Variants in ELOB observed in about 807,000 individuals in gnomAD.
The protein encoded by ELOB is elongin-B.
Under a neutral mutation model 12.9 loss-of-function variants are expected in ELOB, and 3 were observed. That is an observed-to-expected ratio of 0.23 (90% CI 0.11 to 0.60). ELOB has a LOEUF of 0.60. Ranked by LOEUF, ELOB falls within the 20% of genes least tolerant of loss-of-function variation. The pLI is 0.89. For synonymous variants in ELOB, 84 were observed against 67.4 expected (o/e 1.25, Z -1.21); for missense variants, 126 against 159.2 (o/e 0.79, Z 1.12).
chr16:2,772,161 C>T, intron 3 of ELOB, 59 bp from the exon 4 acceptor site: 1 of 1,501,558 alleles, frequency 6.7e-7, no homozygotes, highest in African/African-American at 1.4e-5. Context: ...CAGCTGGGGC[C>T]TTGGTGTTCA....
chr16:2,771,747 C>G lies in ELOB; in HGVS notation c.*243G>C. 4 of 1,516,754 alleles carry G rather than the reference C, an allele frequency of 2.6e-6. No homozygotes were observed. The highest frequency in any genetic ancestry group is 3.5e-6 in the Non-Finnish European group (4 of 1,136,606). The allele number at this position is 1,516,754 out of a possible 1,614,324, so 94.0% of individuals were successfully genotyped here. ...GTTGGTGTGGCTGGCTAGCTGCTAACAATGGCTTGGGTCTCAGGGCAACCC... is the reference window on the plus strand; with the variant it reads ...GTTGGTGTGGCTGGCTAGCTGCTAAGAATGGCTTGGGTCTCAGGGCAACCC... On this transcript the variant is annotated 3_prime_UTR_variant, in exon 4 of 4. Transcript: ENST00000409906.
At position 2,777,131 on chromosome 16, in the gene ELOB, G is replaced by A; in HGVS notation, c.4-4C>T. 1.3e-6 allele frequency: 2 copies of A among 1,525,364 alleles called. No homozygotes were observed. Among genetic ancestry groups the A allele is most frequent in the Non-Finnish European group, 1.8e-6 (2 of 1,133,442 alleles). 94.5% of individuals were successfully genotyped at this position (1,525,364 alleles called of 1,614,324 possible). A position where few individuals can be genotyped will look rare whatever the true frequency, so the allele number is the denominator to read the frequency against. On this transcript the variant is annotated splice_region_variant and splice_polypyrimidine_tract_variant and intron_variant, in intron 1 of 3. Coordinates refer to ENST00000409906, the MANE Select transcript of ELOB (RefSeq NM_007108.4). ...GCCGGATCATGAGGAACACGTCCTG[G>A]GGGCGGCGGGCCGGCGTGAGCACGA...
intron 2 of ELOB, 29 bp downstream of exon 2, chr16:2,776,964 G>T: frequency 2.0e-6 from 3 of 1,537,836 alleles, no homozygotes; most frequent in Non-Finnish European, 2.6e-6. Flanking sequence ...CCGGGTACCC[G>T]CTCCCCTCGG....
chr16:2,773,628 T>C (rs1446979646), intron 3 of ELOB, among the ~76,000 whole-genome samples: 1 of 152,188 alleles, frequency 6.6e-6, no homozygotes, highest in East Asian at 1.9e-4. Flanking sequence ...AGCAAAGAGC[T>C]GACAGCCCAT....
At chr16:2,772,802 G>A (rs900370544) in intron 3 of ELOB, among the ~76,000 whole-genome samples, 4 of 151,866 alleles carry the variant, frequency 2.6e-5, no homozygotes, top group African/African-American at 9.7e-5. Context: ...CCAAGTCCTT[G>A]CCGTCTGTCT....
At chr16:2,775,593 A>C (rs3094774) in intron 2 of ELOB, 37 bp from the exon 3 acceptor site, 1 of 1,573,636 alleles carries the variant, frequency 6.4e-7, no homozygotes, top group Non-Finnish European at 8.6e-7. Context: ...GAGGCCCTAC[A>C]TGGGGCAAGT....
At chr16:2,775,678 AC>A in intron 2 of ELOB, 122 bp from the exon 3 acceptor site, 1 of 644,812 alleles carries the variant, frequency 1.6e-6, no homozygotes, top group Non-Finnish European at 2.6e-6. Flanking sequence ...GTGGCCCAGG[AC>A]CACCACGCTG....
At chr16:2,775,711 A>G (rs890919215) in intron 2 of ELOB, 155 bp from the exon 3 acceptor site, 2 of 549,600 alleles carry the variant, frequency 3.6e-6, no homozygotes, top group Non-Finnish European at 6.4e-6. Flanking sequence ...CACAGATTCC[A>G]GGGTTATATC....
At chr16:2,774,121 T>G (rs2068785381) in intron 3 of ELOB, among the ~76,000 whole-genome samples, 1 of 152,184 alleles carries the variant, frequency 6.6e-6, no homozygotes, top group South Asian at 2.1e-4. Context: ...TCCCAGCTCC[T>G]CAGGCCACTG....
rs138732435 is a variant in ELOB at position 2,775,535 on chromosome 16, C to T, written c.160G>A (p.Gly54Ser). ...AAGCCACACTCGCCCAGTGTCTTGC[C>T]ATCATCCAAGAGTTGGTCATCCTGA... The part of the protein sequence containing the change: ...LYKDDQLLDD[G>S]KTLGECGFTS... The change falls in exon 3 of 4, where the codon GGC becomes AGC. Residue 54 changes from glycine (G) to serine (S), a missense_variant. Gly to Ser is a moderately conservative substitution (Grantham distance 56). Transcript: ENST00000409906. 14 of 1,609,160 alleles carry T rather than the reference C, an allele frequency of 8.7e-6. No individual in the cohort carries two copies. In the African/African-American group the frequency reaches 1.9e-4, roughly 21 times the overall value.
At chr16:2,773,525 C>A (rs940499887) in intron 3 of ELOB, among the ~76,000 whole-genome samples, 2 of 152,012 alleles carry the variant, frequency 1.3e-5, no homozygotes, top group African/African-American at 4.8e-5. Context: ...AGGGGAGAGG[C>A]GGAGGGTGGG....
Position 2,771,555 on chromosome 16 carries a change from T to C in ELOB, c.*435A>G. ...CATGCTGTCAAACCAGGACACTGGCTCCAGCTTGTGTTTCTGCTCTTGGCC... is the reference window on the plus strand; with the variant it reads ...CATGCTGTCAAACCAGGACACTGGCCCCAGCTTGTGTTTCTGCTCTTGGCC... On this transcript the variant is annotated 3_prime_UTR_variant, in exon 4 of 4. Coordinates refer to ENST00000409906, the MANE Select transcript of ELOB (RefSeq NM_007108.4). 1.2e-6 allele frequency: 2 copies of C among 1,614,148 alleles called. No individual in the cohort carries two copies. The highest frequency in any genetic ancestry group is 1.7e-6 in the Non-Finnish European group (2 of 1,180,022).
At position 2,772,056 on chromosome 16, in the gene ELOB, T is replaced by C. The variant is rs2068760782; in HGVS notation, c.291A>G (p.Pro97=). ...ALCIEPFSSP[P]ELPDVMKPQD... Reference sequence around the variant, plus strand: ...GGGGCTTCATCACATCGGGCAGCTCTGGCGGGCTGGAAAACGGCTCGATGC... The same window carrying C: ...GGGGCTTCATCACATCGGGCAGCTCCGGCGGGCTGGAAAACGGCTCGATGC... Residue 97 remains proline (P), a synonymous_variant, in exon 4 of 4, where the codon CCA becomes CCG. Coordinates refer to ENST00000409906, the MANE Select transcript of ELOB (RefSeq NM_007108.4). 2 of 1,612,036 alleles carry C rather than the reference T, an allele frequency of 1.2e-6. No homozygotes were observed. Among genetic ancestry groups the C allele is most frequent in the Admixed American group, 1.7e-5 (1 of 59,798 alleles).
At chr16:2,775,399 G>A (rs1321849841) in intron 3 of ELOB, 52 bp downstream of exon 3, 2 of 1,392,582 alleles carry the variant, frequency 1.4e-6, no homozygotes, top group Admixed American at 4.1e-5. Flanking sequence ...TTGGAACAGT[G>A]TTCCCAACCT....
At chr16:2,776,200 A>G (rs1039629032) in intron 2 of ELOB, among the ~76,000 whole-genome samples, 7 of 152,210 alleles carry the variant, frequency 4.6e-5, no homozygotes, top group Non-Finnish European at 7.3e-5. Flanking sequence ...CGGGACATGC[A>G]CAGGCACGGT....
intron 3 of ELOB, among the ~76,000 whole-genome samples, chr16:2,774,531 T>C (rs1405874508): frequency 1.3e-5 from 2 of 152,240 alleles, no homozygotes; most frequent in African/African-American, 4.8e-5. Flanking sequence ...AGGCCTAGCC[T>C]GAACTTATGG....
At position 2,777,077 on chromosome 16, in the gene ELOB, G is replaced by C; in HGVS notation, c.54C>G (p.Ala18=). The C allele has an allele frequency of 6.2e-7, 1 of 1,601,844 alleles. No individual in the cohort carries two copies. Among genetic ancestry groups the C allele is most frequent in the Non-Finnish European group, 8.5e-7 (1 of 1,175,858 alleles). ...GTTCGAACACCGTGCTGGACTCCTTGGCGTCCGTGAAGATGGTGGTCTTGT... is the reference window on the plus strand; with the variant it reads ...GTTCGAACACCGTGCTGGACTCCTTCGCGTCCGTGAAGATGGTGGTCTTGT... The part of the protein sequence containing the change: ...RRHKTTIFTD[A]KESSTVFELK... The change falls in exon 2 of 4, where the codon GCC becomes GCG. Residue 18 remains alanine, a synonymous_variant. Transcript: ENST00000409906.
chr16:2,772,165 G>C (rs997087808), intron 3 of ELOB, 63 bp from the exon 4 acceptor site: 2 of 1,484,348 alleles, frequency 1.3e-6, no homozygotes, highest in South Asian at 1.4e-5. Flanking sequence ...TGGGGCCTTG[G>C]TGTTCACGTG....
At position 2,771,708 on chromosome 16, in the gene ELOB, C is replaced by G; in HGVS notation, c.*282G>C. On this transcript the variant is annotated 3_prime_UTR_variant, in exon 4 of 4. Coordinates refer to ENST00000409906, the MANE Select transcript of ELOB (RefSeq NM_007108.4). ...GTGTCTCTCCCAGTCCTTCCCTTTC[C>G]TCCCCCTGGCGTGGTTGGTGTGGCT... The G allele has an allele frequency of 1.3e-6, 2 of 1,570,426 alleles. No homozygotes were observed. Among genetic ancestry groups the G allele is most frequent in the Non-Finnish European group, 1.7e-6 (2 of 1,160,052 alleles).
Sources: gnomAD v4.1 joint callset for allele counts (sites outside exome capture counted in the v4.1 genomes callset) on GRCh38, gnomAD v4.1.1 for gene constraint, MANE v1.5 for transcripts, NCBI Gene and HGNC (gene_info 2026-07-23, HGNC 2026-07-21) for gene names.